The following CALN1 variants were observed in gnomAD, a reference collection of about 807,000 sequenced individuals.
The protein encoded by CALN1 is calneuron 1.
In CALN1, 17 loss-of-function variants were observed where a neutral mutation model predicts 30.6. The ratio of observed to expected loss-of-function variants is 0.56; its 90% CI spans 0.38 to 0.83. The LOEUF is 0.83. Among genes scored for constraint, CALN1 ranks in the 40% least tolerant of loss-of-function variants. The pLI, the probability that CALN1 is intolerant of heterozygous loss-of-function variation, is 0.00. For missense variants in CALN1, 291 were observed against 354.9 expected (o/e 0.82, Z 1.45); for synonymous variants, 156 against 131.4 (o/e 1.19, Z -1.28).
intron 2 of CALN1, among the ~76,000 whole-genome samples, chr7:72,378,953 A>AT (rs776818239): frequency 3.3e-5 from 5 of 152,180 alleles, no homozygotes; most frequent in Non-Finnish European, 7.3e-5. Context: ...ATCTAACAAG[A>AT]TGATCATGTG....
intron 3 of CALN1, among the ~76,000 whole-genome samples, chr7:72,209,096 TTG>T (rs1454474924): frequency 2.2e-5 from 3 of 138,758 alleles, no homozygotes; most frequent in African/African-American, 8.3e-5. Context: ...CCCTCCTTTC[TTG>T]TGTCATTTCT....
intron 5 of CALN1, among the ~76,000 whole-genome samples, chr7:71,948,188 G>C (rs573058773): frequency 6.6e-6 from 1 of 152,124 alleles, no homozygotes; most frequent in South Asian, 2.1e-4. Flanking sequence ...GGAAGGTGTG[G>C]ATGTCAGCAG....
chr7:71,946,208 T>C (rs1796397816), intron 5 of CALN1, among the ~76,000 whole-genome samples: 1 of 152,112 alleles, frequency 6.6e-6, no homozygotes, highest in Non-Finnish European at 1.5e-5. Flanking sequence ...AAAAAGTTTC[T>C]CCAAAGGAGG....
intron 4 of CALN1, among the ~76,000 whole-genome samples, chr7:72,104,630 T>C (rs1806946699): frequency 6.6e-6 from 1 of 151,892 alleles, no homozygotes; most frequent in East Asian, 1.9e-4. Context: ...CACTTATAAG[T>C]GAGAAAAAGC....
At chr7:72,418,950 A>T (rs1428010761) in intron 1 of CALN1, among the ~76,000 whole-genome samples, 1 of 152,134 alleles carries the variant, frequency 6.6e-6, no homozygotes, top group Non-Finnish European at 1.5e-5. Flanking sequence ...CAGGAGGTTG[A>T]GGCTACAGTG....
In CALN1 at chr7:72,220,168, T is replaced by C. The variant is rs1235421471; in HGVS notation, c.244+58518A>G. On this transcript the variant is annotated intron_variant, in intron 3 of 6. Coordinates refer to ENST00000395275, the MANE Select transcript of CALN1 (RefSeq NM_031468.4). ...AACTCGTCATTTAGCATTAGGTATA[T>C]CTCCAAATGCTATCCCTCCCCCCTC... 2.0e-5 allele frequency among the ~76,000 whole-genome samples: 3 copies of C among 149,628 alleles called. No individual in the cohort carries two copies. In the East Asian group the frequency reaches 6.0e-4, roughly 30 times the overall value.
chr7:72,309,634 G>A (rs1368796579), intron 2 of CALN1, among the ~76,000 whole-genome samples: 1 of 152,092 alleles, frequency 6.6e-6, no homozygotes, highest in African/African-American at 2.4e-5. Context: ...GAAGTGGCAA[G>A]CAGGGAAGGG....
intron 5 of CALN1, among the ~76,000 whole-genome samples, chr7:71,841,104 T>C (rs1789915113): frequency 6.6e-6 from 1 of 152,144 alleles, no homozygotes; most frequent in South Asian, 2.1e-4. Context: ...ACAGAGGCTA[T>C]GTTGGAAGGA....
At chr7:72,123,777 G>T (rs751334263) in intron 3 of CALN1, among the ~76,000 whole-genome samples, 1 of 152,260 alleles carries the variant, frequency 6.6e-6, no homozygotes, top group East Asian at 1.9e-4. Flanking sequence ...CCACTGCAGG[G>T]TGCATAAATA....
intron 3 of CALN1, among the ~76,000 whole-genome samples, chr7:72,219,336 C>A (rs988252050): frequency 2.0e-5 from 3 of 152,248 alleles, no homozygotes; most frequent in Non-Finnish European, 4.4e-5. Flanking sequence ...AGTGATCCTC[C>A]AACTTCAGCC....
At chr7:72,193,501 G>C (rs534650093) in intron 3 of CALN1, among the ~76,000 whole-genome samples, 1 of 152,294 alleles carries the variant, frequency 6.6e-6, no homozygotes, top group African/African-American at 2.4e-5. Context: ...CACATCCTGA[G>C]AAATGTGTCA....
At chr7:72,268,793 C>CCACACACACAAACACACACACACA (rs56386718) in intron 3 of CALN1, among the ~76,000 whole-genome samples, 39 of 145,928 alleles carry the variant, frequency 2.7e-4, no homozygotes, top group Admixed American at 1.0e-3. Context: ...CAAGACCCTG[C>CCACACACACAAACACACACACACA]CACACACACA....
chr7:71,902,833 C>A (rs58675311), intron 5 of CALN1, among the ~76,000 whole-genome samples: 1,633 of 151,974 alleles, frequency 0.011, 20 homozygotes, highest in African/African-American at 0.038. Flanking sequence ...TCTTTGACAG[C>A]CATATGGGTG....
At chr7:72,227,028 T>C (rs1406992812) in intron 3 of CALN1, among the ~76,000 whole-genome samples, 5 of 151,890 alleles carry the variant, frequency 3.3e-5, no homozygotes, top group Admixed American at 2.6e-4. Context: ...AGAGCAAGAC[T>C]CCATCTCAAA....
At chr7:72,415,411 G>A (rs992797564), upstream of CALN1, among the ~76,000 whole-genome samples, 5 of 152,334 alleles carry the variant, frequency 3.3e-5, no homozygotes, top group Non-Finnish European at 2.9e-5. Context: ...TGTGCAAGGC[G>A]GTAGCCACGA....
At chr7:71,860,723 A>T (rs1207169833) in intron 5 of CALN1, among the ~76,000 whole-genome samples, 2 of 152,176 alleles carry the variant, frequency 1.3e-5, no homozygotes, top group African/African-American at 4.8e-5. Flanking sequence ...CAAGCCTTTA[A>T]GGCCACGTAC....
At chr7:72,335,228 GA>G (rs1342853377) in intron 2 of CALN1, among the ~76,000 whole-genome samples, 1 of 152,220 alleles carries the variant, frequency 6.6e-6, no homozygotes, top group African/African-American at 2.4e-5. Flanking sequence ...GGGCTTCTAT[GA>G]AAAACACGTC....
At chr7:71,887,920 G>A (rs953465100) in intron 5 of CALN1, among the ~76,000 whole-genome samples, 8 of 152,066 alleles carry the variant, frequency 5.3e-5, no homozygotes, top group Admixed American at 2.6e-4. Flanking sequence ...CTTGGGTGTT[G>A]CGGGCTTGGA....
intron 5 of CALN1, among the ~76,000 whole-genome samples, chr7:71,971,953 A>AAAAAAAAAAGAAAG (rs1797839188): frequency 2.7e-5 from 2 of 72,838 alleles, no homozygotes; most frequent in Non-Finnish European, 4.5e-5. Context: ...AAAAAAAAAA[A>AAAAAAAAAAGAAAG]AAAGAAAGAA....
Sources: allele counts gnomAD v4.1 joint callset (sites outside exome capture counted in the v4.1 genomes callset), GRCh38; gene constraint gnomAD v4.1.1; transcripts MANE v1.5; gene names NCBI Gene and HGNC (gene_info 2026-07-23, HGNC 2026-07-21).